Variants in NKAIN2 observed in about 807,000 individuals in gnomAD.
NKAIN2 encodes sodium/potassium-transporting ATPase subunit beta-1-interacting protein 2.
In NKAIN2, 14 loss-of-function variants were observed where a neutral mutation model predicts 32.6. The ratio of observed to expected loss-of-function variants is 0.43; its 90% confidence interval spans 0.28 to 0.67. NKAIN2 has a LOEUF of 0.67. NKAIN2 is among the 30% of genes least tolerant of loss of function. NKAIN2 has a pLI of 0.17. For synonymous variants in NKAIN2, 80 were observed against 87.2 expected (o/e 0.92, Z 0.46); for missense variants, 198 against 258.3 (o/e 0.77, Z 1.60).
intron 1 of NKAIN2, among the ~76,000 whole-genome samples, chr6:124,114,653 A>C (rs1785528701): frequency 1.3e-5 from 2 of 152,130 alleles, no homozygotes; most frequent in Non-Finnish European, 2.9e-5. Flanking sequence ...CATTAAAAGA[A>C]ACCAGAAAAA....
At chr6:124,228,045 G>A (rs1389301951) in intron 1 of NKAIN2, among the ~76,000 whole-genome samples, 1 of 152,136 alleles carries the variant, frequency 6.6e-6, no homozygotes, top group Admixed American at 6.6e-5. Flanking sequence ...CAAAGCAAGA[G>A]CAAGTGAGAG....
At chr6:124,649,747 G>T (rs528315984) in intron 3 of NKAIN2, among the ~76,000 whole-genome samples, 80 of 152,224 alleles carry the variant, frequency 5.3e-4, no homozygotes, top group African/African-American at 1.9e-3. Context: ...AATTGAATCA[G>T]AGAATGTATA....
At chr6:124,720,930 T>C (rs1236360794) in intron 4 of NKAIN2, among the ~76,000 whole-genome samples, 1 of 152,210 alleles carries the variant, frequency 6.6e-6, no homozygotes, top group African/African-American at 2.4e-5. Context: ...ATTATTATAT[T>C]TTGAAATACT....
intron 3 of NKAIN2, among the ~76,000 whole-genome samples, chr6:124,633,932 C>T (rs1353500331): frequency 6.6e-6 from 1 of 152,116 alleles, no homozygotes. Context: ...AAAGATATGC[C>T]ACAGCCTCCA....
chr6:123,807,804 T>C (rs1773282257), intron 1 of NKAIN2, among the ~76,000 whole-genome samples: 1 of 152,140 alleles, frequency 6.6e-6, no homozygotes, highest in South Asian at 2.1e-4. Flanking sequence ...AGATTTACAC[T>C]CCACAGAATA....
intron 1 of NKAIN2, among the ~76,000 whole-genome samples, chr6:123,847,390 C>T (rs1775137537): frequency 1.3e-5 from 2 of 152,076 alleles, no homozygotes; most frequent in African/African-American, 4.8e-5. Flanking sequence ...GCAAAGGGAT[C>T]TGAAGGATGC....
intron 1 of NKAIN2, among the ~76,000 whole-genome samples, chr6:123,985,472 A>G (rs759849173): frequency 1.9e-4 from 29 of 152,196 alleles, no homozygotes; most frequent in Non-Finnish European, 3.7e-4. Flanking sequence ...AAGGAACAAG[A>G]TGGGTCTACA....
intron 3 of NKAIN2, among the ~76,000 whole-genome samples, chr6:124,467,039 T>C (rs1776787674): frequency 6.6e-6 from 1 of 152,104 alleles, no homozygotes; most frequent in Non-Finnish European, 1.5e-5. Flanking sequence ...ATAGGCTGCT[T>C]GTATGATAAT....
intron 1 of NKAIN2, among the ~76,000 whole-genome samples, chr6:124,003,857 G>GC (rs1235649769): frequency 1.3e-5 from 2 of 152,162 alleles, no homozygotes; most frequent in Admixed American, 1.3e-4. Flanking sequence ...GGGAAATACA[G>GC]AGTACATGCT....
At chr6:123,877,320 G>A (rs928378704) in intron 1 of NKAIN2, among the ~76,000 whole-genome samples, 12 of 152,022 alleles carry the variant, frequency 7.9e-5, no homozygotes, top group South Asian at 2.1e-4. Context: ...CATTTGCTAC[G>A]TAGATTTCTG....
chr6:124,115,842 G>T (rs902107018), intron 1 of NKAIN2, among the ~76,000 whole-genome samples: 3 of 151,934 alleles, frequency 2.0e-5, no homozygotes, highest in Non-Finnish European at 4.4e-5. Context: ...AAGGGTTTTG[G>T]TATGTATAGT....
intron 1 of NKAIN2, among the ~76,000 whole-genome samples, chr6:124,007,180 G>A (rs184037435): frequency 6.6e-5 from 10 of 152,280 alleles, no homozygotes; most frequent in African/African-American, 2.4e-4. Flanking sequence ...GTAAGTATTT[G>A]TGTATCTAAA....
chr6:124,478,871 T>G (rs1777337077), intron 3 of NKAIN2, among the ~76,000 whole-genome samples: 1 of 152,152 alleles, frequency 6.6e-6, no homozygotes, highest in Admixed American at 6.6e-5. Flanking sequence ...GAAAGAGTAA[T>G]TTTACAGTGG....
chr6:124,223,062 A>C (rs1241451471), intron 1 of NKAIN2, among the ~76,000 whole-genome samples: 1 of 151,888 alleles, frequency 6.6e-6, no homozygotes, highest in Non-Finnish European at 1.5e-5. Context: ...AAATACAAAA[A>C]ATTAGCCGGG....
intron 1 of NKAIN2, among the ~76,000 whole-genome samples, chr6:123,989,384 A>T (rs185646446): frequency 6.6e-6 from 1 of 152,232 alleles, no homozygotes; most frequent in African/African-American, 2.4e-5. Flanking sequence ...GACTTGAGCG[A>T]CATTGTTATA....
At chr6:124,249,324 A>G (rs902887320) in intron 1 of NKAIN2, among the ~76,000 whole-genome samples, 42 of 152,138 alleles carry the variant, frequency 2.8e-4, no homozygotes, top group African/African-American at 9.4e-4. Flanking sequence ...AACAATGGTC[A>G]TTATAACGAA....
intron 1 of NKAIN2, among the ~76,000 whole-genome samples, chr6:124,013,623 A>G (rs992885959): frequency 2.0e-5 from 3 of 152,212 alleles, no homozygotes; most frequent in African/African-American, 7.2e-5. Context: ...AAAGATGTCT[A>G]CGACCTAATC....
intron 1 of NKAIN2, among the ~76,000 whole-genome samples, chr6:123,936,871 C>T (rs902490002): frequency 1.3e-5 from 2 of 152,056 alleles, no homozygotes; most frequent in African/African-American, 2.4e-5. Context: ...GGAATACTCT[C>T]GGTCTGAACT....
At chr6:124,545,538 G>A (rs1165478642) in intron 3 of NKAIN2, among the ~76,000 whole-genome samples, 1 of 151,804 alleles carries the variant, frequency 6.6e-6, no homozygotes, top group Non-Finnish European at 1.5e-5. Flanking sequence ...CCTTCTAAGT[G>A]TTTATTATTT....
Sources: allele counts gnomAD v4.1 joint callset (sites outside exome capture counted in the v4.1 genomes callset), GRCh38; gene constraint gnomAD v4.1.1; transcripts MANE v1.5; gene names NCBI Gene and HGNC (gene_info 2026-07-23, HGNC 2026-07-21).